Variants in F8 observed in about 807,000 individuals in gnomAD.
F8 encodes antihemophilic factor.
Under a neutral mutation model 140.6 loss-of-function variants are expected in F8, and 12 were observed. That is an observed-to-expected ratio of 0.09 (90% CI 0.05 to 0.14). F8 has a LOEUF of 0.14. Among genes scored for constraint, F8 ranks in the 10% least tolerant of loss-of-function variants. The pLI, the probability that F8 is intolerant of heterozygous loss-of-function variation, is 1.00. For synonymous variants in F8, 585 were observed against 614.6 expected, an observed-to-expected ratio of 0.95 and a Z score of 0.71; for missense variants, 1,354 against 1,720.7, an observed-to-expected ratio of 0.79 and a Z score of 3.77.
chrX:154,861,912 C>G, intron 23 of F8, 46 bp from the exon 24 acceptor site: 1 of 1,185,182 alleles, frequency 8.4e-7, no homozygotes, highest in Non-Finnish European at 1.1e-6. Flanking sequence ...CATGCTTCAG[C>G]CTCAGTTATA....
At chrX:155,010,306 T>C (rs2073700393) in intron 1 of F8, among the ~76,000 whole-genome samples, 1 of 112,277 alleles carries the variant, frequency 8.9e-6, no homozygotes, top group Admixed American at 9.4e-5. Context: ...GCAACCATTG[T>C]CCTTGACATG....
chrX:154,849,663 T>C (rs182651397), intron 25 of F8, among the ~76,000 whole-genome samples: 1 of 111,390 alleles, frequency 9.0e-6, no homozygotes, highest in Admixed American at 9.6e-5. Context: ...ATATTACATA[T>C]GATTACTGTT....
chrX:154,918,227 T>C (rs1471854420), intron 14 of F8, among the ~76,000 whole-genome samples: 1 of 111,652 alleles, frequency 9.0e-6, no homozygotes, highest in East Asian at 2.8e-4. Flanking sequence ...AAACTGGATA[T>C]CCTGGTTGGG....
intron 22 of F8, among the ~76,000 whole-genome samples, chrX:154,873,259 C>A (rs2148573050): frequency 9.5e-6 from 1 of 105,660 alleles, no homozygotes; most frequent in South Asian, 4.3e-4. Flanking sequence ...CAGAGTCTTG[C>A]TCTGTTGCCC....
At chrX:154,993,239 T>C in intron 3 of F8, 91 bp from the exon 4 acceptor site, 1 of 751,191 alleles carries the variant, frequency 1.3e-6, no homozygotes, top group Non-Finnish European at 2.0e-6. Context: ...AGGTTCTACA[T>C]AAGAAACGGA....
At chrX:154,859,886 G>A (rs1326757667) in intron 25 of F8, among the ~76,000 whole-genome samples, 1 of 111,590 alleles carries the variant, frequency 9.0e-6, no homozygotes, top group Non-Finnish European at 1.9e-5. Context: ...AGCCTGGTAT[G>A]AGATATAATG....
chrX:154,914,939 C>A (rs1247966007), intron 14 of F8, among the ~76,000 whole-genome samples: 1 of 111,748 alleles, frequency 8.9e-6, no homozygotes, highest in Non-Finnish European at 1.9e-5. Flanking sequence ...CTGTATTAGT[C>A]TGTTCTCATA....
chrX:154,903,768 A>G (rs1387204835), intron 18 of F8, 138 bp downstream of exon 18: 8 of 511,231 alleles, frequency 1.6e-5, no homozygotes, highest in Non-Finnish European at 2.6e-5. Flanking sequence ...TGGTTTAAAA[A>G]GCATTTGAAA....
At chrX:154,999,197 C>T (rs782027033) in intron 2 of F8, among the ~76,000 whole-genome samples, 2 of 110,225 alleles carry the variant, frequency 1.8e-5, no homozygotes, top group South Asian at 7.8e-4. Context: ...ACCTATAATT[C>T]TCAGCAACAA....
chrX:154,941,296 C>G (rs1379645066), intron 13 of F8, among the ~76,000 whole-genome samples: 2 of 111,308 alleles, frequency 1.8e-5, no homozygotes, highest in African/African-American at 6.5e-5. Context: ...ACACACATAG[C>G]CTCAAAATAA....
In F8 at chrX:154,837,207, C is replaced by T; in HGVS notation, c.*390G>A. On this transcript the variant is annotated 3_prime_UTR_variant, in exon 26 of 26. Coordinates refer to ENST00000360256, the MANE Select transcript of F8 (RefSeq NM_000132.4). ...TTTATTTTAAACGTATGAGGCTTAA[C>T]CTGAAATGTTAACATCATAAATATC... 9.9e-6 allele frequency: 2 copies of T among 201,984 alleles called. No homozygotes were observed. Among genetic ancestry groups the T allele is most frequent in the South Asian group, 1.8e-4 (2 of 11,065 alleles). The allele number at this position is 201,984 out of a possible 1,213,427, so 16.6% of individuals were successfully genotyped here.
Position 154,903,977 on chromosome X carries a change from T to A in F8, c.5927A>T (p.His1976Leu). 1.7e-6 allele frequency: 2 copies of A among 1,210,358 alleles called. No homozygotes were observed. Among genetic ancestry groups the A allele is most frequent in the African/African-American group, 3.5e-5 (2 of 57,714 alleles). The change falls in exon 18 of 26, where the codon CAT (histidine) becomes CTT (leucine). Residue 1976 changes from histidine (H) to leucine (L), a missense_variant. Around this residue, in one of 4 missense-constraint regions of F8, gnomAD observed 316 missense variants for 485.4 expected, o/e 0.65. Coordinates refer to ENST00000360256, the MANE Select transcript of F8 (RefSeq NM_000132.4). ...MGSNENIHSI[H>L]FSGHVFTVRK... ...TACAGTGAACACATGTCCACTGAAATGAATAGAATGGATGTTTTCATTGCT... is the reference window on the plus strand; with the variant it reads ...TACAGTGAACACATGTCCACTGAAAAGAATAGAATGGATGTTTTCATTGCT...
chrX:154,873,005 T>C (rs868919418), intron 22 of F8, among the ~76,000 whole-genome samples: 39 of 111,075 alleles, frequency 3.5e-4, no homozygotes, highest in African/African-American at 1.1e-3. Flanking sequence ...AATGAAAATA[T>C]AGAAAACATT....
intron 9 of F8, among the ~76,000 whole-genome samples, chrX:154,962,709 T>TA (rs1163788231): frequency 1.8e-5 from 2 of 110,287 alleles, no homozygotes; most frequent in Non-Finnish European, 3.8e-5. Flanking sequence ...CTACAAAAAA[T>TA]AAAAAAATTA....
intron 1 of F8, among the ~76,000 whole-genome samples, chrX:155,004,377 C>T (rs1461444312): frequency 8.0e-5 from 9 of 112,151 alleles, no homozygotes; most frequent in Non-Finnish European, 1.5e-4. Flanking sequence ...ACAAAGGATA[C>T]GCATTACAGA....
intron 14 of F8, chrX:154,919,588 A>C: frequency 1.3e-6 from 1 of 788,836 alleles, no homozygotes; most frequent in South Asian, 2.6e-5. Flanking sequence ...TTGGACCCTA[A>C]AGTGCATCTG....
chrX:154,990,518 T>C (rs1456644898), intron 4 of F8, among the ~76,000 whole-genome samples: 1 of 112,140 alleles, frequency 8.9e-6, no homozygotes, highest in Non-Finnish European at 1.9e-5. Context: ...GTATCTACCA[T>C]ACATTAAAAA....
intron 1 of F8, among the ~76,000 whole-genome samples, chrX:155,010,259 T>C (rs1421298485): frequency 8.9e-6 from 1 of 112,372 alleles, no homozygotes; most frequent in Non-Finnish European, 1.9e-5. Context: ...TGTATTTCCT[T>C]TGGGATTCAA....
At chrX:154,982,473 A>G (rs1316146938) in intron 6 of F8, among the ~76,000 whole-genome samples, 1 of 106,294 alleles carries the variant, frequency 9.4e-6, no homozygotes, top group African/African-American at 3.4e-5. Flanking sequence ...AAATATATAT[A>G]TATATGTATA....
Sources: gnomAD v4.1 joint callset for allele counts (sites outside exome capture counted in the v4.1 genomes callset) on GRCh38, gnomAD v4.1.1 for gene constraint, gnomAD v4.1.1 regional missense constraint, MANE v1.5 for transcripts, NCBI Gene and HGNC (gene_info 2026-07-23, HGNC 2026-07-21) for gene names.